Variants in TGFB3 observed in about 807,000 individuals in gnomAD.
TGFB3 encodes transforming growth factor beta-3 proprotein.
In TGFB3, 5 loss-of-function variants were observed where a neutral mutation model predicts 40.1. The observed-to-expected ratio is 0.12, with a 90% CI of 0.07 to 0.26. The LOEUF is 0.26. TGFB3 is among the 10% of genes least tolerant of loss of function. The pLI is 1.00. For missense variants in TGFB3, 373 were observed against 530.1 expected (o/e 0.70, Z 2.91); for synonymous variants, 184 against 205.6 (o/e 0.89, Z 0.90).
chr14:75,970,902 A>G, intron 3 of TGFB3: 1 of 548,216 alleles, frequency 1.8e-6, no homozygotes, highest in Non-Finnish European at 3.2e-6. Flanking sequence ...CCCTCTTTCT[A>G]TTTCTCATAG....
rs928506481 is a variant in TGFB3, at chr14:75,958,879, C to T, written c.*308G>A. On this transcript the variant is annotated 3_prime_UTR_variant, in exon 7 of 7. Transcript: ENST00000238682. ...TAGGGTAGCCCAAATCCCATTGCCA[C>T]ACAACATCTCAACTTACCATCCCTT... 5 of 393,534 alleles carry T rather than the reference C, an allele frequency of 1.3e-5. No individual in the cohort carries two copies. Among genetic ancestry groups the T allele is most frequent in the Non-Finnish European group, 2.4e-5 (5 of 205,884 alleles). 24.4% of individuals were successfully genotyped at this position (393,534 alleles called of 1,614,324 possible).
At chr14:75,972,811 C>T (rs3917172) in intron 1 of TGFB3, among the ~76,000 whole-genome samples, 7,093 of 152,238 alleles carry the variant, frequency 0.047, 190 homozygotes, top group South Asian at 0.076. Flanking sequence ...AGTGACATCT[C>T]AACCTTGTGT....
intron 4 of TGFB3, among the ~76,000 whole-genome samples, chr14:75,963,870 G>C (rs1050783212): frequency 6.9e-6 from 1 of 145,464 alleles, no homozygotes; most frequent in Non-Finnish European, 1.5e-5. Flanking sequence ...TTGTCGGCTT[G>C]TTTATTTGTT....
Position 75,979,494 on chromosome 14 carries a change from T to C in TGFB3, c.352+1048A>G, listed in dbSNP as rs1474482804. 6.6e-6 allele frequency among the ~76,000 whole-genome samples: 1 copy of C among 152,078 alleles called. No homozygotes were observed. Among genetic ancestry groups the C allele is most frequent in the Admixed American group, 6.5e-5 (1 of 15,286 alleles). On this transcript the variant is annotated intron_variant, in intron 1 of 6. Transcript: ENST00000238682. This position sits in a 1 kb window ranked among gnomAD's most constrained non-coding sequence, Gnocchi z 4.8. ...GCTCCCGGAGTCTACGGCCCACGAGTGGCTCACATTCCTCTTTCCTGGGCT... is the reference window on the plus strand; with the variant it reads ...GCTCCCGGAGTCTACGGCCCACGAGCGGCTCACATTCCTCTTTCCTGGGCT...
chr14:75,962,701 T>C (rs1007116704), intron 5 of TGFB3, among the ~76,000 whole-genome samples: 2 of 152,222 alleles, frequency 1.3e-5, no homozygotes, highest in Non-Finnish European at 2.9e-5. Flanking sequence ...GGCGTGATCA[T>C]CTTCTCCCTT....
Position 75,979,819 on chromosome 14 carries a change from G to A in TGFB3, c.352+723C>T, listed in dbSNP as rs962076675. On this transcript the variant is annotated intron_variant, in intron 1 of 6. Transcript: ENST00000238682. The surrounding 1 kb of genome is among the most constrained non-coding windows in gnomAD (Gnocchi z 4.8). ...AAAACCCGCTCTCCCCGTGCCCACC[G>A]GCCTGGAGGGCGCCCATTTTGAGCA... 6.6e-6 allele frequency among the ~76,000 whole-genome samples: 1 copy of A among 151,430 alleles called. No homozygotes were observed. The highest frequency in any genetic ancestry group is 1.5e-5 in the Non-Finnish European group (1 of 67,884).
Position 75,962,466 on chromosome 14 carries a change from A to G in TGFB3, c.926+850T>C, listed in dbSNP as rs1038002863. On this transcript the variant is annotated intron_variant, in intron 5 of 6. Coordinates refer to ENST00000238682, the MANE Select transcript of TGFB3 (RefSeq NM_003239.5). Reference sequence around the variant, plus strand: ...GGTTTCCAGATCTAAATATTTCCCAATTCGTTCTCCCCAGCTTCATTTCGG... The same window carrying G: ...GGTTTCCAGATCTAAATATTTCCCAGTTCGTTCTCCCCAGCTTCATTTCGG... Among the ~76,000 whole-genome samples the G allele has an allele frequency of 2.2e-4, 34 of 152,120 alleles. No homozygotes were observed. The Middle Eastern group carries it at 0.01, about 46-fold the overall frequency.
chr14:75,972,939 T>C (rs1358626088), intron 1 of TGFB3, among the ~76,000 whole-genome samples: 1 of 152,196 alleles, frequency 6.6e-6, no homozygotes, highest in African/African-American at 2.4e-5. Flanking sequence ...TTCTCTTTCC[T>C]TGACAGCACG....
rs1036545575 is a variant in TGFB3 at position 75,980,664 on chromosome 14, C to T, written c.230G>A (p.Arg77Gln). Residue 77 changes from arginine (R) to glutamine (Q), a missense_variant, in exon 1 of 7, where the codon CGG becomes CAG. Physicochemically the swap from Arg to Gln is conservative, Grantham distance 43. Coordinates refer to ENST00000238682, the MANE Select transcript of TGFB3 (RefSeq NM_003239.5). This position sits in a 1 kb window ranked among gnomAD's most constrained non-coding sequence, Gnocchi z 4.3. Reference protein sequence around the residue: ...YQVLALYNSTRELLEEMHGER... With the variant: ...YQVLALYNSTQELLEEMHGER... ...CCCATGCATCTCCTCCAGCAGCTCC[C>T]GGGTGCTGTTGTAAAGGGCCAGGAC... The T allele has an allele frequency of 4.3e-6, 7 of 1,614,104 alleles. No individual in the cohort carries two copies. The highest frequency in any genetic ancestry group is 4.0e-5 in the African/African-American group (3 of 74,908).
At position 75,971,387 on chromosome 14, in the gene TGFB3, T is replaced by G; in HGVS notation, c.517-132A>C. ...TGAATGCCATGGCCCTCGAGCACCTTAGCTAACTCTTAAGTGTTTTAATGA... is the reference window on the plus strand; with the variant it reads ...TGAATGCCATGGCCCTCGAGCACCTGAGCTAACTCTTAAGTGTTTTAATGA... On this transcript the variant is annotated intron_variant, in intron 2 of 6. Transcript: ENST00000238682. The surrounding 1 kb of genome is among the most constrained non-coding windows in gnomAD (Gnocchi z 4.5). 6.6e-7 allele frequency: 1 copy of G among 1,521,658 alleles called. No individual in the cohort carries two copies. The highest frequency in any genetic ancestry group is 9.0e-7 in the Non-Finnish European group (1 of 1,113,884). The allele number at this position is 1,521,658 out of a possible 1,614,324, so 94.3% of individuals were successfully genotyped here. A position where few individuals can be genotyped will look rare whatever the true frequency, so the allele number is the denominator to read the frequency against.
intron 1 of TGFB3, among the ~76,000 whole-genome samples, chr14:75,975,812 T>G (rs1268199118): frequency 2.0e-5 from 3 of 152,222 alleles, no homozygotes; most frequent in Non-Finnish European, 4.4e-5. Flanking sequence ...AAGATTCCAC[T>G]AAATGGGCCT....
intron 5 of TGFB3, 192 bp downstream of exon 5, chr14:75,963,123 TG>T: frequency 2.9e-6 from 2 of 691,938 alleles, no homozygotes; most frequent in South Asian, 3.4e-5. Context: ...GGAAAAACAG[TG>T]GGACTCCCAG....
chr14:75,973,488 A>T (rs991194849), intron 1 of TGFB3, among the ~76,000 whole-genome samples: 4 of 152,268 alleles, frequency 2.6e-5, no homozygotes, highest in African/African-American at 9.6e-5. Context: ...TTTCAGATAG[A>T]ACCAAGGAGA....
Position 75,979,683 on chromosome 14 carries a change from G to T in TGFB3, c.352+859C>A, listed in dbSNP as rs1249058130. Among the ~76,000 whole-genome samples, 1 of 150,962 alleles carries T rather than the reference G, an allele frequency of 6.6e-6. No individual in the cohort carries two copies. Among genetic ancestry groups the T allele is most frequent in the East Asian group, 1.9e-4 (1 of 5,138 alleles). ...CAGACAGAGCCTCCTGGGACGGCAG[G>T]CTCCCAGACATATCCCCCCCCCCCA... On this transcript the variant is annotated intron_variant, in intron 1 of 6. Coordinates refer to ENST00000238682, the MANE Select transcript of TGFB3 (RefSeq NM_003239.5). This position sits in a 1 kb window ranked among gnomAD's most constrained non-coding sequence, Gnocchi z 4.8.
intron 1 of TGFB3, among the ~76,000 whole-genome samples, chr14:75,977,449 GA>G (rs771577300): frequency 9.9e-5 from 15 of 152,168 alleles, no homozygotes; most frequent in African/African-American, 1.4e-4. Flanking sequence ...AGGCTCTGCT[GA>G]TTCATCCCAG....
upstream of TGFB3, chr14:75,982,912 T>C (rs773801207): frequency 7.9e-5 from 12 of 152,344 alleles, no homozygotes; most frequent in Non-Finnish European, 1.6e-4. The surrounding 1 kb of genome is among the most constrained non-coding windows in gnomAD (Gnocchi z 4.0). Flanking sequence ...AAGTCAGCAG[T>C]TGGCCCGAGC....
chr14:75,972,735 T>A (rs1195562225), intron 1 of TGFB3, among the ~76,000 whole-genome samples: 2 of 152,146 alleles, frequency 1.3e-5, no homozygotes, highest in Non-Finnish European at 2.9e-5. Context: ...GGTCCACCTG[T>A]CAGACTAAAA....
chr14:75,971,789 A>G lies in TGFB3; in HGVS notation c.353-71T>C. The stretch of plus-strand genomic sequence containing the variant: ...CAGGAACAGTGTGCTGCCAACGGAC[A>G]GGCACCAAGTGGCCACCGTCCCGCC... On this transcript the variant is annotated intron_variant, in intron 1 of 6. Coordinates refer to ENST00000238682, the MANE Select transcript of TGFB3 (RefSeq NM_003239.5). The surrounding 1 kb of genome is among the most constrained non-coding windows in gnomAD (Gnocchi z 4.5). The G allele has an allele frequency of 1.3e-6, 2 of 1,578,022 alleles. No homozygotes were observed. The highest frequency in any genetic ancestry group is 1.3e-5 in the African/African-American group (1 of 74,394).
At position 75,960,963 on chromosome 14, in the gene TGFB3, G is replaced by A. The variant is rs755084678; in HGVS notation, c.1040C>T (p.Pro347Leu). The change falls in exon 6 of 7, where the codon CCT (proline) becomes CTT (leucine). Residue 347 changes from proline (P) to leucine (L), a missense_variant. By Grantham distance (98) the Pro-to-Leu change is moderately conservative. Transcript: ENST00000238682. ...GTCTGCACTGCGGAGGTATGGGCAA[G>A]GGCCTGAGCAGAAGTTGGCATAGTA... is the stretch of plus-strand genomic sequence containing the variant. ...KGYYANFCSG[P>L]CPYLRSADTT... 6.2e-7 allele frequency: 1 copy of A among 1,614,242 alleles called. No individual in the cohort carries two copies. The highest frequency in any genetic ancestry group is 8.5e-7 in the Non-Finnish European group (1 of 1,180,042).
Sources: gnomAD v4.1 joint callset for allele counts (sites outside exome capture counted in the v4.1 genomes callset) on GRCh38, gnomAD v4.1.1 for gene constraint, Gnocchi (gnomAD v3.1) non-coding constraint, MANE v1.5 for transcripts, NCBI Gene and HGNC (gene_info 2026-07-23, HGNC 2026-07-21) for gene names.